Variants in CAPZB observed in about 807,000 individuals in gnomAD.
CAPZB encodes F-actin-capping protein subunit beta.
Under a neutral mutation model 38.1 loss-of-function variants are expected in CAPZB, and 2 were observed. That is an observed-to-expected ratio of 0.05 (90% CI 0.02 to 0.17). The LOEUF is 0.17. CAPZB is among the 10% of genes least tolerant of loss of function. CAPZB has a pLI of 1.00. For synonymous variants in CAPZB, 107 were observed against 127.4 expected (o/e 0.84, Z 1.08); for missense variants, 161 against 334.2 (o/e 0.48, Z 4.04).
intron 1 of CAPZB, among the ~76,000 whole-genome samples, chr1:19,468,875 C>T (rs535812882): frequency 2.0e-5 from 3 of 152,318 alleles, no homozygotes; most frequent in East Asian, 1.9e-4. Context: ...TCAACAAAAT[C>T]GGTCCCCTGG....
intron 1 of CAPZB, among the ~76,000 whole-genome samples, chr1:19,478,835 C>T (rs796118152): frequency 1.3e-5 from 2 of 152,192 alleles, no homozygotes; most frequent in South Asian, 2.1e-4. Context: ...AGGTGGGCCT[C>T]GGTTTCCTCA....
Position 19,485,441 on chromosome 1 carries a change from T to TGGCGGC in CAPZB, c.-9_-4dup, listed in dbSNP as rs1025858391. 160 of 1,228,534 alleles carry TGGCGGC rather than the reference T, an allele frequency of 1.3e-4. 1 individual carries two copies. In the African/African-American group the frequency reaches 1.5e-3, roughly 11 times the overall value. The allele number at this position is 1,228,534 out of a possible 1,614,324, so 76.1% of individuals were successfully genotyped here. ...GGGGGCCGTGCGGCCTTTACCATGG[T>TGGCGGC]GGCGGCGGCGGCGGCGGTCCCGGTC... On this transcript the variant is annotated 5_prime_UTR_variant, in exon 1 of 9. Coordinates refer to ENST00000264202, the MANE Select transcript of CAPZB (RefSeq NM_004930.5).
chr1:19,409,428 T>G (rs892618381), intron 2 of CAPZB, among the ~76,000 whole-genome samples: 2 of 152,146 alleles, frequency 1.3e-5, no homozygotes, highest in Non-Finnish European at 2.9e-5. Context: ...CGGTTTATTT[T>G]GCACTTCTAA....
chr1:19,458,145 C>A (rs945308834), intron 1 of CAPZB, among the ~76,000 whole-genome samples: 2 of 149,656 alleles, frequency 1.3e-5, no homozygotes, highest in Admixed American at 1.3e-4. Flanking sequence ...GACTTTTTTC[C>A]TTCTGTGATC....
chr1:19,472,855 C>T (rs1434739568), intron 1 of CAPZB, among the ~76,000 whole-genome samples: 1 of 151,332 alleles, frequency 6.6e-6, no homozygotes, highest in Non-Finnish European at 1.5e-5. Flanking sequence ...GTAGCTAGGA[C>T]TACAGGCGCC....
intron 6 of CAPZB, among the ~76,000 whole-genome samples, chr1:19,353,391 A>C (rs1416160929): frequency 6.6e-6 from 1 of 152,066 alleles, no homozygotes; most frequent in African/African-American, 2.4e-5. Context: ...AGGGGCTCTC[A>C]TCTGACCCCC....
intron 4 of CAPZB, among the ~76,000 whole-genome samples, chr1:19,358,207 G>A (rs915364110): frequency 2.0e-5 from 3 of 152,116 alleles, no homozygotes; most frequent in African/African-American, 4.8e-5. Context: ...GCACCATCTC[G>A]GCTCACTGCA....
intron 3 of CAPZB, among the ~76,000 whole-genome samples, chr1:19,384,271 A>C (rs2094192650): frequency 6.6e-6 from 1 of 150,774 alleles, no homozygotes; most frequent in Non-Finnish European, 1.5e-5. Context: ...TGCCTTCTCC[A>C]CCTCTGGCCT....
chr1:19,478,575 C>A (rs1169658669), intron 1 of CAPZB, among the ~76,000 whole-genome samples: 1 of 152,180 alleles, frequency 6.6e-6, no homozygotes, highest in Non-Finnish European at 1.5e-5. Context: ...GGAGGAAGCA[C>A]GGAAAAACGC....
intron 1 of CAPZB, among the ~76,000 whole-genome samples, chr1:19,437,449 G>A (rs1040600058): frequency 6.6e-6 from 1 of 152,154 alleles, no homozygotes; most frequent in Non-Finnish European, 1.5e-5. Flanking sequence ...TAAGTGTTTG[G>A]GTGGGTTGCT....
At chr1:19,403,962 A>C (rs938269601) in intron 2 of CAPZB, among the ~76,000 whole-genome samples, 2 of 152,110 alleles carry the variant, frequency 1.3e-5, no homozygotes, top group African/African-American at 4.8e-5. Context: ...ATCAAGACTC[A>C]AGAGGTTGAA....
intron 6 of CAPZB, among the ~76,000 whole-genome samples, chr1:19,354,057 T>C (rs1322891887): frequency 7.9e-5 from 12 of 152,200 alleles, no homozygotes; most frequent in African/African-American, 2.4e-4. Context: ...ACCAAAACAG[T>C]TGTGGCATGG....
chr1:19,393,004 T>G (rs1043992933), intron 2 of CAPZB, among the ~76,000 whole-genome samples: 2 of 152,136 alleles, frequency 1.3e-5, no homozygotes, highest in African/African-American at 4.8e-5. Flanking sequence ...CACCAGCCTA[T>G]GAGAGATGCA....
intron 1 of CAPZB, among the ~76,000 whole-genome samples, chr1:19,442,009 C>CAAAACACA (rs1553287699): frequency 1.2e-5 from 1 of 86,058 alleles, no homozygotes; most frequent in Non-Finnish European, 2.1e-5. Context: ...ACTCTGTCTC[C>CAAAACACA]AAAAAAAAAA....
chr1:19,419,181 C>T (rs1188822137), intron 2 of CAPZB, among the ~76,000 whole-genome samples: 1 of 152,186 alleles, frequency 6.6e-6, no homozygotes, highest in Non-Finnish European at 1.5e-5. Context: ...ATGTGACGGG[C>T]CCTTTAACAA....
intron 2 of CAPZB, among the ~76,000 whole-genome samples, chr1:19,411,533 A>G (rs930927016): frequency 3.3e-5 from 5 of 152,194 alleles, no homozygotes; most frequent in Admixed American, 6.5e-5. Context: ...TTGCTCCCCA[A>G]GGAACACACA....
At position 19,355,896 on chromosome 1, in the gene CAPZB, C is replaced by G. The variant is rs2268802; in HGVS notation, c.588+739G>C. Among the ~76,000 whole-genome samples, 9 of 152,256 alleles carry G rather than the reference C, an allele frequency of 5.9e-5. No individual in the cohort carries two copies. In the East Asian group the frequency reaches 1.7e-3, roughly 29 times the overall value. On this transcript the variant is annotated intron_variant, in intron 6 of 8. Transcript: ENST00000264202. ...GGACCTTTATACAAGGTTCTTAAAC[C>G]CACCCAGATGCTTATGGGAGCATCT...
chr1:19,399,355 G>A lies in CAPZB; in HGVS notation c.94-13729C>T, dbSNP rs147384394. On this transcript the variant is annotated intron_variant, in intron 2 of 8. Coordinates refer to ENST00000264202, the MANE Select transcript of CAPZB (RefSeq NM_004930.5). ...CAGGAAACCAACAGTTTCAGAATAC[G>A]AGTACGTCATGTGACCCAGAGTTAG... 4.0e-3 allele frequency among the ~76,000 whole-genome samples: 607 copies of A among 152,306 alleles called. 4 individuals carry two copies. The highest frequency in any genetic ancestry group is 0.023 in the South Asian group (109 of 4,830).
chr1:19,369,534 G>A (rs1171815656), intron 4 of CAPZB, among the ~76,000 whole-genome samples: 2 of 152,230 alleles, frequency 1.3e-5, no homozygotes, highest in African/African-American at 4.8e-5. Flanking sequence ...GGCCCTGTGC[G>A]CACATGGCTG....
Sources: allele counts gnomAD v4.1 joint callset (sites outside exome capture counted in the v4.1 genomes callset), GRCh38; gene constraint gnomAD v4.1.1; transcripts MANE v1.5; gene names NCBI Gene and HGNC (gene_info 2026-07-23, HGNC 2026-07-21).